Variants in GRK5 observed in about 807,000 individuals in gnomAD.
GRK5 encodes the protein g protein-coupled receptor kinase GRK5.
Under a neutral mutation model 78.4 loss-of-function variants are expected in GRK5, and 40 were observed. That is an observed-to-expected ratio of 0.51 (90% CI 0.40 to 0.66). The LOEUF is 0.66. GRK5 is among the 30% of genes least tolerant of loss of function. GRK5 has a pLI of 0.00. For synonymous variants in GRK5, 289 were observed against 296.8 expected (o/e 0.97, Z 0.27); for missense variants, 598 against 759.9 (o/e 0.79, Z 2.50).
Position 119,378,753 on chromosome 10 carries a change from T to C in GRK5, c.149-2062T>C, listed in dbSNP as rs553964492. On this transcript the variant is annotated intron_variant, in intron 2 of 15. Transcript: ENST00000392870. This position sits in a 1 kb window ranked among gnomAD's most constrained non-coding sequence, Gnocchi z 4.5. ...GACCAGTCATCCCCAAGAACCCTGC[T>C]GGCATCCCAGGGAACAGACAGTGTC... Among the ~76,000 whole-genome samples the C allele has an allele frequency of 5.1e-4, 77 of 152,260 alleles. No individual in the cohort carries two copies. Among genetic ancestry groups the C allele is most frequent in the Non-Finnish European group, 4.3e-4 (29 of 68,038 alleles).
chr10:119,274,595 C>T (rs979011903), intron 1 of GRK5, among the ~76,000 whole-genome samples: 5 of 152,234 alleles, frequency 3.3e-5, no homozygotes, highest in Non-Finnish European at 7.3e-5. Context: ...TTGTTCCATT[C>T]AGTGATGCTG....
At chr10:119,254,783 G>T (rs972861814) in intron 1 of GRK5, among the ~76,000 whole-genome samples, 1 of 152,124 alleles carries the variant, frequency 6.6e-6, no homozygotes, top group South Asian at 2.1e-4. Flanking sequence ...GGCCGGGCAC[G>T]GTGGCTCACG....
At chr10:119,396,593 A>AG in intron 3 of GRK5, 102 bp from the exon 4 acceptor site, 1 of 928,048 alleles carries the variant, frequency 1.1e-6, no homozygotes, top group Non-Finnish European at 1.7e-6. Flanking sequence ...GGGGTTGGTC[A>AG]GGTGGCCTCT....
intron 2 of GRK5, among the ~76,000 whole-genome samples, chr10:119,349,452 G>A (rs1459993155): frequency 6.6e-6 from 1 of 152,222 alleles, no homozygotes; most frequent in African/African-American, 2.4e-5. Context: ...AGATGTCCTT[G>A]GGCAAGCCCT....
rs1043316652 is a variant in GRK5, at chr10:119,207,810, C to T, written c.-108C>T. 7.7e-5 allele frequency: 84 copies of T among 1,097,378 alleles called. No individual in the cohort carries two copies. In the African/African-American group the frequency reaches 1.0e-3, roughly 14 times the overall value. 68.0% of individuals were successfully genotyped at this position (1,097,378 alleles called of 1,614,324 possible). On this transcript the variant is annotated 5_prime_UTR_variant, in exon 1 of 16. Coordinates refer to ENST00000392870, the MANE Select transcript of GRK5 (RefSeq NM_005308.3). ...TAGGCAAGGCGGGCTGCTGGCTCCC[C>T]CGGCTCCGGCAGCAGCGGCGGCAGC...
rs560514022 is a variant in GRK5, at chr10:119,241,326, T to C, written c.52+33357T>C. Among the ~76,000 whole-genome samples, 5 of 152,296 alleles carry C rather than the reference T, an allele frequency of 3.3e-5. No individual in the cohort carries two copies. In the East Asian group the frequency reaches 9.7e-4, roughly 29 times the overall value. On this transcript the variant is annotated intron_variant, in intron 1 of 15. Coordinates refer to ENST00000392870, the MANE Select transcript of GRK5 (RefSeq NM_005308.3). ...TACGGGCAAAAGGGGAAAGTGACCC[T>C]AGAACACCTTTGTGTCAGGGATGCA...
At chr10:119,367,248 G>A (rs1851464630) in intron 2 of GRK5, among the ~76,000 whole-genome samples, 1 of 152,164 alleles carries the variant, frequency 6.6e-6, no homozygotes, top group South Asian at 2.1e-4. Context: ...CTAAGCTCTA[G>A]CCTTCCCTGT....
intron 2 of GRK5, among the ~76,000 whole-genome samples, chr10:119,337,363 A>ACCAGGTGGCTTAAG (rs1437123427): frequency 2.0e-5 from 3 of 152,088 alleles, no homozygotes; most frequent in Non-Finnish European, 4.4e-5. Flanking sequence ...AATACCAGAG[A>ACCAGGTGGCTTAAG]CCAGGTGGCT....
At position 119,371,067 on chromosome 10, in the gene GRK5, C is replaced by T. The variant is rs146753205; in HGVS notation, c.149-9748C>T. Among the ~76,000 whole-genome samples the T allele has an allele frequency of 6.5e-3, 984 of 152,080 alleles. 10 individuals are homozygous for T. The highest frequency in any genetic ancestry group is 7.2e-3 in the Non-Finnish European group (489 of 68,002). On this transcript the variant is annotated intron_variant, in intron 2 of 15. Transcript: ENST00000392870. ...GCATTTCCATTTCCTCAGGAAGCCG[C>T]GTTCCGTCCTTGCTCTTACTTCTGA...
At chr10:119,365,546 G>A (rs1325286961) in intron 2 of GRK5, among the ~76,000 whole-genome samples, 5 of 152,112 alleles carry the variant, frequency 3.3e-5, no homozygotes, top group Admixed American at 1.3e-4. Flanking sequence ...GGGACCCTTC[G>A]GTGAGGGTCT....
intron 1 of GRK5, among the ~76,000 whole-genome samples, chr10:119,266,402 G>T (rs1223933051): frequency 6.6e-6 from 1 of 152,102 alleles, no homozygotes; most frequent in Non-Finnish European, 1.5e-5. Context: ...GTTGCAGTGA[G>T]CAGTGAGCCG....
intron 4 of GRK5, among the ~76,000 whole-genome samples, chr10:119,419,180 T>A (rs2133879592): frequency 6.6e-6 from 1 of 152,324 alleles, no homozygotes; most frequent in South Asian, 2.1e-4. Context: ...TTCTCCTGCC[T>A]TGAAAGACCC....
chr10:119,443,321 G>T (rs1016995437), intron 11 of GRK5, among the ~76,000 whole-genome samples: 1 of 152,200 alleles, frequency 6.6e-6, no homozygotes. Context: ...CATCAAGAGT[G>T]CAGGACACCT....
intron 3 of GRK5, among the ~76,000 whole-genome samples, chr10:119,394,165 TTTG>T (rs1851942700): frequency 1.4e-5 from 1 of 69,080 alleles, no homozygotes; most frequent in African/African-American, 5.1e-5. Context: ...TGTGTGTGGG[TTTG>T]AGTGTGTGTG....
At chr10:119,339,532 G>A (rs1000497222) in intron 2 of GRK5, among the ~76,000 whole-genome samples, 3 of 152,108 alleles carry the variant, frequency 2.0e-5, no homozygotes, top group African/African-American at 7.2e-5. Flanking sequence ...AGGCAGGAGT[G>A]GGGGGTTGCA....
intron 4 of GRK5, among the ~76,000 whole-genome samples, chr10:119,413,539 G>T (rs562001053): frequency 1.3e-5 from 2 of 151,990 alleles, no homozygotes; most frequent in Non-Finnish European, 2.9e-5. Flanking sequence ...GCCTGGATTT[G>T]CGTCTCAGGT....
At chr10:119,219,817 C>G (rs994250886) in intron 1 of GRK5, among the ~76,000 whole-genome samples, 3 of 152,178 alleles carry the variant, frequency 2.0e-5, no homozygotes, top group Non-Finnish European at 2.9e-5. Flanking sequence ...TTCTGAGGCT[C>G]TGTGTGAGTA....
intron 1 of GRK5, among the ~76,000 whole-genome samples, chr10:119,246,141 A>G (rs1042232813): frequency 1.3e-5 from 2 of 151,730 alleles, no homozygotes; most frequent in African/African-American, 2.4e-5. Flanking sequence ...TCCTTTGGTC[A>G]TTGGTTCCAG....
At position 119,385,595 on chromosome 10, in the gene GRK5, G is replaced by A. The variant is rs552604060; in HGVS notation, c.261+4668G>A. ...TAGCCCCTGGCGGTGGTGAGAAGTG[G>A]TTGGATTTGAGACTTGTGTGGAAGG... On this transcript the variant is annotated intron_variant, in intron 3 of 15. Transcript: ENST00000392870. Among the ~76,000 whole-genome samples the A allele has an allele frequency of 3.3e-5, 5 of 152,334 alleles. No homozygotes were observed. The East Asian group carries it at 9.7e-4, about 29-fold the overall frequency.
Sources: gnomAD v4.1 joint callset for allele counts (sites outside exome capture counted in the v4.1 genomes callset) on GRCh38, gnomAD v4.1.1 for gene constraint, Gnocchi (gnomAD v3.1) non-coding constraint, MANE v1.5 for transcripts, NCBI Gene and HGNC (gene_info 2026-07-23, HGNC 2026-07-21) for gene names.